The following STK10 variants were observed in gnomAD, a reference collection of about 807,000 sequenced individuals.
The protein encoded by STK10 is serine/threonine-protein kinase 10.
A neutral mutation model predicts 113.8 loss-of-function variants in STK10; 78 were observed. The ratio of observed to expected loss-of-function variants is 0.69; its 90% CI spans 0.57 to 0.83. STK10 has a LOEUF of 0.83. STK10 is among the 40% of genes least tolerant of loss of function. STK10 has a pLI of 0.00. For synonymous variants in STK10, 465 were observed against 494.7 expected (o/e 0.94, Z 0.80); for missense variants, 1,109 against 1,280.1 (o/e 0.87, Z 2.04).
intron 4 of STK10, among the ~76,000 whole-genome samples, chr5:172,114,314 GTA>G (rs1222203201): frequency 0.02 from 2,678 of 133,578 alleles, 74 homozygotes; most frequent in African/African-American, 0.093. Context: ...GTGTGTGTGT[GTA>G]TGTGTGTTTT....
At chr5:172,152,737 T>C (rs1770263721) in intron 2 of STK10, among the ~76,000 whole-genome samples, 1 of 152,216 alleles carries the variant, frequency 6.6e-6, no homozygotes, top group Admixed American at 6.5e-5. Context: ...AACTGTAAAT[T>C]TTATGACATC....
Position 172,188,126 on chromosome 5 carries a change from G to C in STK10, c.-84C>G. On this transcript the variant is annotated 5_prime_UTR_variant, in exon 1 of 19. Coordinates refer to ENST00000176763, the MANE Select transcript of STK10 (RefSeq NM_005990.4). This position sits in a 1 kb window ranked among gnomAD's most constrained non-coding sequence, Gnocchi z 5.6. ...GCGGCCGCGAGGAGAAGGAGGAGGAGTTGGAGGACGCCGCGTCTCTCGGGG... is the reference window on the plus strand; with the variant it reads ...GCGGCCGCGAGGAGAAGGAGGAGGACTTGGAGGACGCCGCGTCTCTCGGGG... 6.6e-7 allele frequency: 1 copy of C among 1,526,056 alleles called. No homozygotes were observed. Among genetic ancestry groups the C allele is most frequent in the Non-Finnish European group, 8.8e-7 (1 of 1,136,518 alleles). The allele number at this position is 1,526,056 out of a possible 1,614,324, so 94.5% of individuals were successfully genotyped here.
Position 172,082,297 on chromosome 5 carries a change from GC to G in STK10, c.1989+28del. ...AAGAAGGCCCCTAATACTCCGAGAT[GC>G]CCCTGCCCCCACTGAGCACATACTC... is the stretch of plus-strand genomic sequence containing the variant. On this transcript the variant is annotated intron_variant, in intron 12 of 18. Coordinates refer to ENST00000176763, the MANE Select transcript of STK10 (RefSeq NM_005990.4). The surrounding 1 kb of genome is among the most constrained non-coding windows in gnomAD (Gnocchi z 4.3). The G allele has an allele frequency of 6.7e-7, 1 of 1,482,402 alleles. No homozygotes were observed. Among genetic ancestry groups the G allele is most frequent in the Admixed American group, 2.5e-5 (1 of 40,774 alleles). 91.8% of individuals were successfully genotyped at this position (1,482,402 alleles called of 1,614,324 possible).
At position 172,045,162 on chromosome 5, in the gene STK10, C is replaced by T; in HGVS notation, c.2767-140G>A. On this transcript the variant is annotated intron_variant, in intron 18 of 18. Coordinates refer to ENST00000176763, the MANE Select transcript of STK10 (RefSeq NM_005990.4). ...TCAGTGCTTGAGAAACTACGGCTTC[C>T]CTATTTCCTACCCTAGAGCTCCTCC... 4 of 1,287,738 alleles carry T rather than the reference C, an allele frequency of 3.1e-6. No individual in the cohort carries two copies. The South Asian group carries it at 5.8e-5, about 19-fold the overall frequency. 79.8% of individuals were successfully genotyped at this position (1,287,738 alleles called of 1,614,324 possible).
At position 172,133,172 on chromosome 5, in the gene STK10, T is replaced by C. The variant is rs1444424327; in HGVS notation, c.322-5751A>G. Among the ~76,000 whole-genome samples, 1 of 152,166 alleles carries C rather than the reference T, an allele frequency of 6.6e-6. No homozygotes were observed. The highest frequency in any genetic ancestry group is 1.5e-5 in the Non-Finnish European group (1 of 68,032). On this transcript the variant is annotated intron_variant, in intron 2 of 18. Coordinates refer to ENST00000176763, the MANE Select transcript of STK10 (RefSeq NM_005990.4). The surrounding 1 kb of genome is among the most constrained non-coding windows in gnomAD (Gnocchi z 4.9). ...ACTAGAACTTGAACATCTCAAAGTA[T>C]GAACCTAATCTGGAGAGCTGTGTGT...
chr5:172,126,132 T>C lies in STK10; in HGVS notation c.370+1241A>G, dbSNP rs148766704. Among the ~76,000 whole-genome samples, 11 of 152,278 alleles carry C rather than the reference T, an allele frequency of 7.2e-5. No individual in the cohort carries two copies. The East Asian group carries it at 1.5e-3, about 21-fold the overall frequency. On this transcript the variant is annotated intron_variant, in intron 3 of 18. Transcript: ENST00000176763. ...ACCTTCCAGGCCTCTCCTCAGCCTC[T>C]CTGCACTCACTGCCCTGAAGGGTAG... is the stretch of plus-strand genomic sequence containing the variant.
At chr5:172,138,835 AC>A (rs1346543986) in intron 2 of STK10, among the ~76,000 whole-genome samples, 3 of 152,004 alleles carry the variant, frequency 2.0e-5, no homozygotes, top group African/African-American at 4.8e-5. Flanking sequence ...ACACAGTGAA[AC>A]CCCGTCTCTA....
At chr5:172,054,464 A>G (rs1767700690) in intron 17 of STK10, 105 bp downstream of exon 17, 4 of 1,507,566 alleles carry the variant, frequency 2.7e-6, no homozygotes, top group African/African-American at 1.4e-5. Context: ...GGCGTGTCTG[A>G]TGAAGATCCT....
chr5:172,100,225 C>A (rs559619313), intron 7 of STK10, among the ~76,000 whole-genome samples: 1 of 152,168 alleles, frequency 6.6e-6, no homozygotes, highest in Non-Finnish European at 1.5e-5. Flanking sequence ...CTAGCCTGCA[C>A]CAGGTAGGCT....
At chr5:172,143,313 C>T (rs996266307) in intron 2 of STK10, among the ~76,000 whole-genome samples, 2 of 152,060 alleles carry the variant, frequency 1.3e-5, no homozygotes, top group East Asian at 1.9e-4. Flanking sequence ...TGCAGTGAGC[C>T]GAGATCGTGC....
chr5:172,175,785 C>T (rs745386126), intron 1 of STK10, among the ~76,000 whole-genome samples: 14 of 152,154 alleles, frequency 9.2e-5, no homozygotes, highest in Non-Finnish European at 1.8e-4. Context: ...AAAAGAGACA[C>T]GCTCCTGGCC....
At chr5:172,048,579 G>C (rs375132380) in intron 18 of STK10, among the ~76,000 whole-genome samples, 37 of 152,240 alleles carry the variant, frequency 2.4e-4, no homozygotes, top group Admixed American at 1.0e-3. Context: ...GCCAGCTAGA[G>C]AGGAAATGGA....
intron 2 of STK10, 66 bp from the exon 3 acceptor site, chr5:172,127,487 C>G: frequency 1.3e-6 from 2 of 1,570,216 alleles, no homozygotes; most frequent in Non-Finnish European, 8.7e-7. Flanking sequence ...GGGAACCCCA[C>G]AGGCCCATTG....
intron 1 of STK10, among the ~76,000 whole-genome samples, chr5:172,172,570 T>C (rs934423900): frequency 6.6e-5 from 10 of 152,222 alleles, no homozygotes; most frequent in Non-Finnish European, 1.2e-4. Context: ...CTATTGTCCC[T>C]ATTTTGCAGA....
At chr5:172,139,316 G>A (rs34705749) in intron 2 of STK10, among the ~76,000 whole-genome samples, 12,014 of 152,078 alleles carry the variant, frequency 0.079, 632 homozygotes, top group South Asian at 0.14. Flanking sequence ...TAACCAATAC[G>A]GTGTGGTACT....
At position 172,156,612 on chromosome 5, in the gene STK10, C is replaced by T. The variant is rs200916433; in HGVS notation, c.321+12G>A. 91 of 1,609,040 alleles carry T rather than the reference C, an allele frequency of 5.7e-5. No individual in the cohort carries two copies. The African/African-American group carries it at 8.1e-4, about 14-fold the overall frequency. On this transcript the variant is annotated intron_variant, in intron 2 of 18. Transcript: ENST00000176763. ...GGGGGCTGAGCTGGGACAGACAGGG[C>T]GGCAGCCTTACCCACAGCTTCCCGT...
rs979430452 is a variant in STK10 at position 172,044,487 on chromosome 5, C to T, written c.*395G>A. 17 of 211,522 alleles carry T rather than the reference C, an allele frequency of 8.0e-5. No individual in the cohort carries two copies. The highest frequency in any genetic ancestry group is 5.0e-4 in the South Asian group (7 of 14,098). 13.1% of individuals were successfully genotyped at this position (211,522 alleles called of 1,614,324 possible). Reference sequence around the variant, plus strand: ...AAGAATTCCAGCCCGGATGAGCCCACGGGGACTTCATCAGCAGTGCTTTGT... The same window carrying T: ...AAGAATTCCAGCCCGGATGAGCCCATGGGGACTTCATCAGCAGTGCTTTGT... On this transcript the variant is annotated 3_prime_UTR_variant, in exon 19 of 19. Coordinates refer to ENST00000176763, the MANE Select transcript of STK10 (RefSeq NM_005990.4). The surrounding 1 kb of genome is among the most constrained non-coding windows in gnomAD (Gnocchi z 4.5).
intron 7 of STK10, among the ~76,000 whole-genome samples, chr5:172,101,313 A>G (rs1376117534): frequency 6.6e-6 from 1 of 151,870 alleles, no homozygotes; most frequent in Non-Finnish European, 1.5e-5. Flanking sequence ...TCTACTAAAA[A>G]CACAAAAATT....
intron 6 of STK10, among the ~76,000 whole-genome samples, chr5:172,106,262 C>CATGG (rs921831090): frequency 3.3e-5 from 5 of 151,598 alleles, no homozygotes; most frequent in Non-Finnish European, 5.9e-5. Context: ...ATTAGCCAGG[C>CATGG]ATGGTGGTGG....
Sources: allele counts gnomAD v4.1 joint callset (sites outside exome capture counted in the v4.1 genomes callset), GRCh38; gene constraint gnomAD v4.1.1; non-coding constraint Gnocchi (gnomAD v3.1); transcripts MANE v1.5; gene names NCBI Gene and HGNC (gene_info 2026-07-23, HGNC 2026-07-21).